The following CTNNA3 variants were observed in gnomAD, a reference collection of about 807,000 sequenced individuals.
CTNNA3 encodes catenin alpha 3.
CTNNA3 carries 76 observed loss-of-function variants against 95.7 expected under a neutral mutation model. The ratio of observed to expected loss-of-function variants is 0.79; its 90% CI spans 0.66 to 0.96. The LOEUF is 0.96. Ranked by LOEUF, CTNNA3 falls within the 40% of genes least tolerant of loss-of-function variation. CTNNA3 has a pLI of 0.00. For missense variants in CTNNA3, 1,191 were observed against 1,089.8 expected (o/e 1.09, Z -1.31); for synonymous variants, 431 against 374.4 (o/e 1.15, Z -1.74).
chr10:66,443,405 C>G (rs1176535925), intron 11 of CTNNA3, among the ~76,000 whole-genome samples: 1 of 152,244 alleles, frequency 6.6e-6, no homozygotes, highest in African/African-American at 2.4e-5. Flanking sequence ...GGAGGCGCCC[C>G]CCAGTAGGGG....
At chr10:67,342,141 G>T (rs578162749) in intron 5 of CTNNA3, among the ~76,000 whole-genome samples, 2 of 109,906 alleles carry the variant, frequency 1.8e-5, no homozygotes, top group African/African-American at 3.4e-5. Flanking sequence ...TCACTCTGTC[G>T]CCCAGGCTGG....
chr10:66,668,455 T>TGTGC (rs1564606868), intron 9 of CTNNA3, among the ~76,000 whole-genome samples: 6 of 150,090 alleles, frequency 4.0e-5, no homozygotes, highest in African/African-American at 1.5e-4. Context: ...TGTGTGTGTG[T>TGTGC]GTGATACACA....
intron 12 of CTNNA3, among the ~76,000 whole-genome samples, chr10:66,292,013 T>C (rs2091690272): frequency 6.6e-6 from 1 of 151,616 alleles, no homozygotes; most frequent in Admixed American, 6.6e-5. Flanking sequence ...CATACAGATA[T>C]ATATACACAT....
At chr10:67,071,330 G>GGT (rs1554912076) in intron 7 of CTNNA3, among the ~76,000 whole-genome samples, 1 of 140,404 alleles carries the variant, frequency 7.1e-6, no homozygotes, top group East Asian at 2.1e-4. Context: ...TGTATTTTGG[G>GGT]TTTTTTTTTT....
rs185332062 is a variant in CTNNA3 at position 66,793,308 on chromosome 10, A to T, written c.1048-17784T>A. ...AGGTGCACATCACCACACCCAGAAA[A>T]TTTTTTTCTATTTTTTATAGAGATG... On this transcript the variant is annotated intron_variant, in intron 7 of 17. Transcript: ENST00000433211. Among the ~76,000 whole-genome samples the T allele has an allele frequency of 4.4e-3, 666 of 151,620 alleles. 4 individuals are homozygous for T. Among genetic ancestry groups the T allele is most frequent in the African/African-American group, 0.015 (636 of 41,334 alleles).
At chr10:66,313,494 T>G (rs1010537483) in intron 12 of CTNNA3, among the ~76,000 whole-genome samples, 2 of 152,240 alleles carry the variant, frequency 1.3e-5, no homozygotes, top group Non-Finnish European at 2.9e-5. Context: ...CGTTTGCTGC[T>G]GTTGATCCTC....
chr10:66,777,356 T>C (rs1209644821), intron 7 of CTNNA3, among the ~76,000 whole-genome samples: 2 of 152,150 alleles, frequency 1.3e-5, no homozygotes, highest in East Asian at 1.9e-4. Context: ...TATAAAGAGA[T>C]TGTGGAATGT....
intron 10 of CTNNA3, among the ~76,000 whole-genome samples, chr10:66,548,558 T>C (rs1484921459): frequency 6.6e-6 from 1 of 151,716 alleles, no homozygotes; most frequent in Admixed American, 6.6e-5. Context: ...ATGTTATAGA[T>C]TTTTTTGTCA....
intron 15 of CTNNA3, among the ~76,000 whole-genome samples, chr10:66,062,382 T>G (rs2080220049): frequency 6.6e-6 from 1 of 152,090 alleles, no homozygotes; most frequent in Admixed American, 6.6e-5. Flanking sequence ...AATGGGGGAC[T>G]ACTAGCTGAT....
At chr10:66,958,240 A>T (rs1230258596) in intron 7 of CTNNA3, among the ~76,000 whole-genome samples, 1 of 151,484 alleles carries the variant, frequency 6.6e-6, no homozygotes, top group East Asian at 1.9e-4. Flanking sequence ...TGAAACAGGA[A>T]GATTTAGCAA....
intron 1 of CTNNA3, among the ~76,000 whole-genome samples, chr10:67,672,423 A>G (rs989519581): frequency 4.5e-4 from 69 of 152,238 alleles, no homozygotes; most frequent in Admixed American, 1.9e-3. Context: ...TTTAGACATG[A>G]AGTCCTTGCC....
intron 11 of CTNNA3, among the ~76,000 whole-genome samples, chr10:66,434,265 C>A (rs549423035): frequency 6.6e-6 from 1 of 152,150 alleles, no homozygotes; most frequent in African/African-American, 2.4e-5. Context: ...ATTGATTCTT[C>A]CTATCTGTGA....
intron 12 of CTNNA3, among the ~76,000 whole-genome samples, chr10:66,346,139 A>T (rs888727296): frequency 6.7e-6 from 1 of 150,282 alleles, no homozygotes. Flanking sequence ...CTCATGTTAG[A>T]AAGAATGTGG....
intron 13 of CTNNA3, among the ~76,000 whole-genome samples, chr10:66,157,314 T>C (rs1180249481): frequency 6.6e-6 from 1 of 152,066 alleles, no homozygotes; most frequent in African/African-American, 2.4e-5. Context: ...ATTCCTGAGT[T>C]ACTTCACTTA....
In CTNNA3 at chr10:66,162,918, G is replaced by A. The variant is rs555700893; in HGVS notation, c.1885-59669C>T. ...GTGGGGGGTGGGGGTAAGATTCCCA[G>A]GTCACTGGAGTTGTGTACCTAGGAG... On this transcript the variant is annotated intron_variant, in intron 13 of 17. Transcript: ENST00000433211. 3.0e-4 allele frequency among the ~76,000 whole-genome samples: 45 copies of A among 152,074 alleles called. 1 individual carries two copies. Among genetic ancestry groups the A allele is most frequent in the African/African-American group, 1.0e-3 (43 of 41,496 alleles).
chr10:66,260,556 C>A (rs778744556), intron 13 of CTNNA3, among the ~76,000 whole-genome samples: 7 of 151,958 alleles, frequency 4.6e-5, no homozygotes, highest in Non-Finnish European at 1.0e-4. Flanking sequence ...TTTCAGTAAA[C>A]CTTCAGAGGA....
At chr10:66,334,489 T>C (rs1040753910) in intron 12 of CTNNA3, among the ~76,000 whole-genome samples, 2 of 151,976 alleles carry the variant, frequency 1.3e-5, no homozygotes, top group African/African-American at 4.8e-5. Context: ...CCTTCACTTA[T>C]GAAGCTTAGT....
intron 10 of CTNNA3, among the ~76,000 whole-genome samples, chr10:66,560,490 T>C (rs148527804): frequency 2.5e-3 from 386 of 152,114 alleles, no homozygotes; most frequent in African/African-American, 8.8e-3. Flanking sequence ...GCAGAAGGTG[T>C]TGCAACACAG....
intron 12 of CTNNA3, among the ~76,000 whole-genome samples, chr10:66,295,804 A>T (rs2091768079): frequency 6.6e-6 from 1 of 152,148 alleles, no homozygotes; most frequent in Non-Finnish European, 1.5e-5. Context: ...AACACAAAGG[A>T]CAAGATAATT....
Sources: allele counts gnomAD v4.1 joint callset (sites outside exome capture counted in the v4.1 genomes callset), GRCh38; gene constraint gnomAD v4.1.1; transcripts MANE v1.5; gene names NCBI Gene and HGNC (gene_info 2026-07-23, HGNC 2026-07-21).